The following FGF14 variants were observed in gnomAD, a reference collection of about 807,000 sequenced individuals.
FGF14 encodes the protein fibroblast growth factor homologous factor 4.
FGF14 carries 5 observed loss-of-function variants against 25.5 expected under a neutral mutation model. The ratio of observed to expected loss-of-function variants is 0.20; its 90% CI spans 0.10 to 0.41. The LOEUF is 0.41. Ranked by LOEUF, FGF14 falls within the 10% of genes least tolerant of loss-of-function variation. The probability of loss-of-function intolerance (pLI) is 1.00; values close to 1 mark genes in which losing one functional copy is unlikely to be tolerated. For synonymous variants in FGF14, 138 were observed against 118.3 expected (o/e 1.17, Z -1.08); for missense variants, 222 against 320.1 (o/e 0.69, Z 2.34).
In FGF14 at chr13:101,711,085, A is replaced by G. The variant is rs1378265980; in HGVS notation, c.*11746T>C. On this transcript the variant is annotated 3_prime_UTR_variant, in exon 5 of 5. Coordinates refer to ENST00000376143, the MANE Select transcript of FGF14 (RefSeq NM_004115.4). ...GTGAATAACCAAGAGAGATGAGGTT[A>G]GTGCAGTGCCGGGTCTTCCCTAAGC... is the stretch of plus-strand genomic sequence containing the variant. The G allele has an allele frequency of 6.6e-6, 1 of 152,232 alleles. No individual in the cohort carries two copies. The highest frequency in any genetic ancestry group is 2.4e-5 in the African/African-American group (1 of 41,464). The allele number at this position is 152,232 out of a possible 1,614,324, so 9.4% of individuals were successfully genotyped here.
chr13:102,019,576 G>A (rs1198025554), intron 1 of FGF14, among the ~76,000 whole-genome samples: 2 of 152,142 alleles, frequency 1.3e-5, no homozygotes, highest in Non-Finnish European at 1.5e-5. Context: ...GTAAGTAATG[G>A]AGCAGGTATT....
At chr13:101,836,264 T>C (rs887293661) in intron 3 of FGF14, among the ~76,000 whole-genome samples, 2 of 151,982 alleles carry the variant, frequency 1.3e-5, no homozygotes, top group Admixed American at 6.6e-5. Context: ...CTAAGACAAA[T>C]AAGATTCTAC....
intron 3 of FGF14, among the ~76,000 whole-genome samples, chr13:101,867,723 G>T (rs1015027074): frequency 1.3e-5 from 2 of 152,144 alleles, no homozygotes; most frequent in Middle Eastern, 3.4e-3. Context: ...CTCTGTGTGG[G>T]AACACCCTTC....
chr13:101,850,026 TA>T (rs927772287), intron 3 of FGF14, among the ~76,000 whole-genome samples: 4 of 151,712 alleles, frequency 2.6e-5, no homozygotes, highest in African/African-American at 9.7e-5. Context: ...ATGAGATTTA[TA>T]AGAAGCAAAT....
intron 1 of FGF14, among the ~76,000 whole-genome samples, chr13:102,151,939 A>C (rs1446519923): frequency 6.6e-6 from 1 of 152,156 alleles, no homozygotes; most frequent in African/African-American, 2.4e-5. Flanking sequence ...ATTATTCCCC[A>C]CAACAAGATT....
chr13:101,730,374 G>A (rs562989178), intron 3 of FGF14, among the ~76,000 whole-genome samples: 3 of 152,152 alleles, frequency 2.0e-5, no homozygotes, highest in African/African-American at 7.2e-5. Context: ...CAAAGTAAGG[G>A]GAGAAATAAT....
intron 1 of FGF14, among the ~76,000 whole-genome samples, chr13:102,275,234 T>TTCTTTCTCTCTCTCTC (rs2053455106): frequency 1.5e-5 from 1 of 67,448 alleles, no homozygotes; most frequent in African/African-American, 6.4e-5. Flanking sequence ...TTAGGCAGAT[T>TTCTTTCTCTCTCTCTC]TCTCTCTCTC....
rs1290602386 is a variant in FGF14 at position 101,800,240 on chromosome 13, G to T, written c.408+68485C>A. On this transcript the variant is annotated intron_variant, in intron 3 of 4. Coordinates refer to ENST00000376143, the MANE Select transcript of FGF14 (RefSeq NM_004115.4). Reference sequence around the variant, plus strand: ...GTCACTTAAATGGTTTTAGAACAGGGTAACCTCAAGTTACCTAAAGTAATT... The same window carrying T: ...GTCACTTAAATGGTTTTAGAACAGGTTAACCTCAAGTTACCTAAAGTAATT... Among the ~76,000 whole-genome samples, 4 of 152,172 alleles carry T rather than the reference G, an allele frequency of 2.6e-5. No individual in the cohort carries two copies. In the South Asian group the frequency reaches 8.3e-4, roughly 32 times the overall value.
Position 101,916,629 on chromosome 13 carries a change from G to T in FGF14, c.17C>A (p.Ala6Asp). 1 of 1,576,372 alleles carries T rather than the reference G, an allele frequency of 6.3e-7. No homozygotes were observed. ...CCGCTTCTGGCGGATCAAGCCGCTAGCGATGGCCGCGGCCATGGTGGCCCC... is the reference window on the plus strand; with the variant it reads ...CCGCTTCTGGCGGATCAAGCCGCTATCGATGGCCGCGGCCATGGTGGCCCC... Reference protein sequence around the residue: MAAAIASGLIRQKRQA... With the variant: MAAAIDSGLIRQKRQA... The change falls in exon 1 of 5, where the codon GCT becomes GAT. Residue 6 changes from alanine to aspartate, a missense_variant. Transcript: ENST00000376143.
chr13:102,000,314 G>A (rs532864655), intron 1 of FGF14, among the ~76,000 whole-genome samples: 127 of 152,154 alleles, frequency 8.3e-4, no homozygotes, highest in South Asian at 1.7e-3. Context: ...GCAAGACTCC[G>A]TCTCAAAAAC....
Position 101,712,333 on chromosome 13 carries a change from A to C in FGF14, c.*10498T>G, listed in dbSNP as rs2034508816. On this transcript the variant is annotated 3_prime_UTR_variant, in exon 5 of 5. Coordinates refer to ENST00000376143, the MANE Select transcript of FGF14 (RefSeq NM_004115.4). ...TTTCAGCGACTAGTAGACTTTCAGA[A>C]CTGGAATTTACTCATCAAATGTTCT... 6.6e-6 allele frequency: 1 copy of C among 152,174 alleles called. No individual in the cohort carries two copies. The highest frequency in any genetic ancestry group is 2.4e-5 in the African/African-American group (1 of 41,438). 9.4% of individuals were successfully genotyped at this position (152,174 alleles called of 1,614,324 possible).
At chr13:101,739,982 T>C (rs1443866528) in intron 3 of FGF14, among the ~76,000 whole-genome samples, 1 of 152,270 alleles carries the variant, frequency 6.6e-6, no homozygotes, top group South Asian at 2.1e-4. Context: ...ATTTCAGGCA[T>C]TGTATAAAAG....
intron 1 of FGF14, among the ~76,000 whole-genome samples, chr13:101,991,292 G>C (rs1427113300): frequency 6.6e-6 from 1 of 151,870 alleles, no homozygotes; most frequent in East Asian, 1.9e-4. Flanking sequence ...ATCACCAAAG[G>C]ATGTCTCTTC....
chr13:102,268,535 T>C (rs940882749), intron 1 of FGF14, among the ~76,000 whole-genome samples: 4 of 152,016 alleles, frequency 2.6e-5, no homozygotes, highest in Non-Finnish European at 5.9e-5. Flanking sequence ...TAGAATAATA[T>C]ATGCAAATAC....
intron 1 of FGF14, among the ~76,000 whole-genome samples, chr13:102,200,822 C>G (rs540471556): frequency 9.9e-5 from 15 of 152,018 alleles, no homozygotes; most frequent in African/African-American, 3.4e-4. Context: ...TAAACAACAG[C>G]ATTGAGGCGG....
At chr13:102,252,780 A>T (rs71441539) in intron 1 of FGF14, among the ~76,000 whole-genome samples, 1,638 of 152,228 alleles carry the variant, frequency 0.011, 15 homozygotes, top group Non-Finnish European at 0.018. Context: ...TTAACCCAAC[A>T]TCTACATTAG....
At chr13:101,959,870 A>G (rs1027362727) in intron 1 of FGF14, among the ~76,000 whole-genome samples, 1 of 152,162 alleles carries the variant, frequency 6.6e-6, no homozygotes, top group African/African-American at 2.4e-5. Flanking sequence ...TCTGCTCGGT[A>G]TATAACACAA....
chr13:102,359,278 T>C (rs2057501713), intron 1 of FGF14, among the ~76,000 whole-genome samples: 2 of 152,216 alleles, frequency 1.3e-5, no homozygotes, highest in African/African-American at 4.8e-5. Flanking sequence ...CACATTTACC[T>C]ACGCAATAAA....
At chr13:102,035,603 T>C (rs1447668619) in intron 1 of FGF14, among the ~76,000 whole-genome samples, 1 of 152,184 alleles carries the variant, frequency 6.6e-6, no homozygotes, top group Non-Finnish European at 1.5e-5. Flanking sequence ...ATTGCTAACT[T>C]TTACTTTTTC....
Sources: allele counts gnomAD v4.1 joint callset (sites outside exome capture counted in the v4.1 genomes callset), GRCh38; gene constraint gnomAD v4.1.1; transcripts MANE v1.5; gene names NCBI Gene and HGNC (gene_info 2026-07-23, HGNC 2026-07-21).